TNR: variants seen among roughly 807,000 people sequenced by gnomAD.
TNR encodes the protein tenascin-R.
In TNR, 45 loss-of-function variants were observed where a neutral mutation model predicts 150.4. That is an observed-to-expected ratio of 0.30 (90% CI 0.24 to 0.38). The LOEUF (loss-of-function observed/expected upper bound fraction) is 0.38. TNR is among the 10% of genes least tolerant of loss of function. The pLI is 1.00. For missense variants in TNR, 1,544 were observed against 1,759.1 expected, an observed-to-expected ratio of 0.88 and a Z score of 2.19; for synonymous variants, 687 against 678.4, an observed-to-expected ratio of 1.01 and a Z score of -0.20.
intron 2 of TNR, among the ~76,000 whole-genome samples, chr1:175,421,663 C>A (rs1388824702): frequency 6.6e-6 from 1 of 152,194 alleles, no homozygotes; most frequent in Non-Finnish European, 1.5e-5. Context: ...ATTAAGTCAA[C>A]AAGGAATATT....
At chr1:175,547,601 G>GAAAGAAAC (rs1381965452) in intron 1 of TNR, among the ~76,000 whole-genome samples, 2 of 22,234 alleles carry the variant, frequency 9.0e-5, no homozygotes, top group African/African-American at 1.9e-4. Flanking sequence ...AAGAAAGAAA[G>GAAAGAAAC]AAAGAAAGAA....
At chr1:175,380,930 T>C (rs1557897416) in intron 8 of TNR, among the ~76,000 whole-genome samples, 2 of 152,284 alleles carry the variant, frequency 1.3e-5, no homozygotes, top group Non-Finnish European at 1.5e-5. Flanking sequence ...TTTCCACCAA[T>C]TGTTCTTGTG....
In TNR at chr1:175,387,813, A is replaced by G. The variant is rs555793009; in HGVS notation, c.1508-1512T>C. Among the ~76,000 whole-genome samples the G allele has an allele frequency of 2.3e-4, 35 of 152,264 alleles. No homozygotes were observed. In the East Asian group the frequency reaches 2.9e-3, roughly 13 times the overall value. On this transcript the variant is annotated intron_variant, in intron 7 of 22. Transcript: ENST00000367674. ...TCAGGGCCGTCTTAGGCTGACCTTG[A>G]GGCTTTCAGTTTTTCAAGGTTGAGC...
chr1:175,489,138 T>C (rs912091969), intron 2 of TNR, among the ~76,000 whole-genome samples: 2 of 152,132 alleles, frequency 1.3e-5, no homozygotes, highest in African/African-American at 4.8e-5. Flanking sequence ...CCCCGCTGAA[T>C]ATGTGGGCAA....
intron 1 of TNR, among the ~76,000 whole-genome samples, chr1:175,666,358 A>G (rs1665532014): frequency 6.6e-6 from 1 of 152,190 alleles, no homozygotes; most frequent in Non-Finnish European, 1.5e-5. Flanking sequence ...CTGTCATGGA[A>G]CCAGGGCTCC....
chr1:175,358,880 C>T (rs903787660), intron 15 of TNR, among the ~76,000 whole-genome samples: 2 of 152,136 alleles, frequency 1.3e-5, no homozygotes, highest in African/African-American at 4.8e-5. Flanking sequence ...TCTTTTGTCA[C>T]CTGTTAGCCT....
At chr1:175,564,609 T>G (rs948320005) in intron 1 of TNR, among the ~76,000 whole-genome samples, 2 of 152,058 alleles carry the variant, frequency 1.3e-5, no homozygotes, top group Non-Finnish European at 2.9e-5. Flanking sequence ...GGCTTCAGGG[T>G]GCAATTTGGT....
chr1:175,714,877 C>T (rs1457433237), intron 1 of TNR, among the ~76,000 whole-genome samples: 1 of 152,224 alleles, frequency 6.6e-6, no homozygotes, highest in Non-Finnish European at 1.5e-5. Flanking sequence ...CCCGCTATGG[C>T]TTTCCTGTCC....
rs189343226 is a variant in TNR at position 175,488,667 on chromosome 1, C to G, written c.-64+39602G>C. On this transcript the variant is annotated intron_variant, in intron 2 of 22. Coordinates refer to ENST00000367674, the MANE Select transcript of TNR (RefSeq NM_003285.3). ...TTGGGTGAAGACACTGAATATTGAT[C>G]CCCAGCTGCCACCGAAGTTCTACTA... 2.0e-3 allele frequency among the ~76,000 whole-genome samples: 312 copies of G among 152,312 alleles called. 2 individuals carry two copies. Among genetic ancestry groups the G allele is most frequent in the Admixed American group, 4.1e-3 (62 of 15,300 alleles).
chr1:175,616,477 C>G (rs1300710575), intron 1 of TNR, among the ~76,000 whole-genome samples: 2 of 152,176 alleles, frequency 1.3e-5, no homozygotes, highest in Non-Finnish European at 2.9e-5. Context: ...CTCTCTGAAG[C>G]AGAAATTTGA....
chr1:175,628,055 C>G (rs1365472210), intron 1 of TNR, among the ~76,000 whole-genome samples: 1 of 152,184 alleles, frequency 6.6e-6, no homozygotes, highest in Non-Finnish European at 1.5e-5. Flanking sequence ...GGTGAAAAAG[C>G]TTATTTCCTT....
At chr1:175,679,926 G>A (rs1665978994) in intron 1 of TNR, among the ~76,000 whole-genome samples, 1 of 152,164 alleles carries the variant, frequency 6.6e-6, no homozygotes, top group African/African-American at 2.4e-5. Flanking sequence ...AAGTCCAGAG[G>A]TCCTCCGAGT....
At chr1:175,355,870 T>C (rs1571331209) in intron 16 of TNR, among the ~76,000 whole-genome samples, 1 of 152,162 alleles carries the variant, frequency 6.6e-6, no homozygotes, top group Non-Finnish European at 1.5e-5. Flanking sequence ...TAGGCTTGGG[T>C]GTGACATCTT....
intron 1 of TNR, among the ~76,000 whole-genome samples, chr1:175,532,399 C>A (rs1051459191): frequency 6.6e-6 from 1 of 152,150 alleles, no homozygotes; most frequent in African/African-American, 2.4e-5. Flanking sequence ...TCTAAATAAA[C>A]AAGGCTTCCT....
At chr1:175,368,989 C>CA (rs541645059) in intron 9 of TNR, among the ~76,000 whole-genome samples, 2 of 151,932 alleles carry the variant, frequency 1.3e-5, no homozygotes, top group South Asian at 2.1e-4. Context: ...AAAAACAAAA[C>CA]AAAAAAACCC....
At chr1:175,720,487 ACTTCCATGGGGACAC>A (rs1667268263) in intron 1 of TNR, among the ~76,000 whole-genome samples, 1 of 152,120 alleles carries the variant, frequency 6.6e-6, no homozygotes, top group Non-Finnish European at 1.5e-5. Flanking sequence ...TGGTCCTTTA[ACTTCCATGGGGACAC>A]CTGCCCCAAG....
intron 2 of TNR, among the ~76,000 whole-genome samples, chr1:175,466,285 TC>T (rs1657032047): frequency 6.6e-6 from 1 of 152,212 alleles, no homozygotes; most frequent in South Asian, 2.1e-4. Context: ...CATGTTCTAG[TC>T]ATTCTTCAGC....
At chr1:175,730,878 G>A (rs571040360) in intron 1 of TNR, among the ~76,000 whole-genome samples, 2 of 152,256 alleles carry the variant, frequency 1.3e-5, no homozygotes, top group East Asian at 3.9e-4. Flanking sequence ...TGTCTTCTGT[G>A]GTTAGTGGAG....
At chr1:175,382,077 T>C (rs1487114885) in intron 8 of TNR, among the ~76,000 whole-genome samples, 1 of 152,232 alleles carries the variant, frequency 6.6e-6, no homozygotes, top group African/African-American at 2.4e-5. Flanking sequence ...TGATCCAACA[T>C]GGCCACGCTT....
Sources: gnomAD v4.1 joint callset for allele counts (sites outside exome capture counted in the v4.1 genomes callset) on GRCh38, gnomAD v4.1.1 for gene constraint, MANE v1.5 for transcripts, NCBI Gene and HGNC (gene_info 2026-07-23, HGNC 2026-07-21) for gene names.